The following APBB2 variants were observed in gnomAD, a reference collection of about 807,000 sequenced individuals.
APBB2 encodes amyloid beta precursor protein binding family B member 2.
A neutral mutation model predicts 82.5 loss-of-function variants in APBB2; 38 were observed. The observed-to-expected ratio is 0.46, with a 90% CI of 0.36 to 0.60. APBB2 has a LOEUF of 0.60. APBB2 is among the 20% of genes least tolerant of loss of function. The pLI, the probability that APBB2 is intolerant of heterozygous loss-of-function variation, is 0.00. For missense variants in APBB2, 772 were observed against 972.3 expected (o/e 0.79, Z 2.74); for synonymous variants, 341 against 368.2 (o/e 0.93, Z 0.85).
chr4:41,184,475 C>T (rs1260754367), intron 1 of APBB2, among the ~76,000 whole-genome samples: 1 of 152,196 alleles, frequency 6.6e-6, no homozygotes, highest in Non-Finnish European at 1.5e-5. Context: ...TGCTCTAGCT[C>T]TTCCCTGGGC....
At chr4:41,016,089 C>G (rs2154430862) in intron 5 of APBB2, among the ~76,000 whole-genome samples, 1 of 152,238 alleles carries the variant, frequency 6.6e-6, no homozygotes, top group Non-Finnish European at 1.5e-5. Context: ...ATATCCAGAG[C>G]ATAGATACAT....
intron 10 of APBB2, among the ~76,000 whole-genome samples, chr4:40,913,507 C>T (rs1185644585): frequency 6.6e-6 from 1 of 152,128 alleles, no homozygotes; most frequent in Admixed American, 6.5e-5. Flanking sequence ...ACACTCCATC[C>T]CCATCATGTG....
At chr4:41,118,870 T>TG (rs1751934314) in intron 2 of APBB2, among the ~76,000 whole-genome samples, 1 of 152,182 alleles carries the variant, frequency 6.6e-6, no homozygotes, top group South Asian at 2.1e-4. Context: ...CCGGGCGCGG[T>TG]GGCTCACGCC....
intron 12 of APBB2, among the ~76,000 whole-genome samples, chr4:40,835,074 G>A (rs1351647944): frequency 3.9e-5 from 6 of 152,062 alleles, no homozygotes; most frequent in African/African-American, 1.4e-4. Context: ...TCAGGAGATC[G>A]AGACCATCCT....
chr4:41,206,444 A>C (rs543436338), intron 1 of APBB2, among the ~76,000 whole-genome samples: 1 of 152,342 alleles, frequency 6.6e-6, no homozygotes, highest in Non-Finnish European at 1.5e-5. Flanking sequence ...GCATTTGCTG[A>C]ACAAAGGAAG....
chr4:41,022,018 A>T (rs995720761), intron 5 of APBB2, among the ~76,000 whole-genome samples: 17 of 152,140 alleles, frequency 1.1e-4, no homozygotes, highest in Admixed American at 6.5e-4. Flanking sequence ...CATCTAAAGG[A>T]ACAAACTCCA....
chr4:40,953,298 A>G (rs1218548723), intron 6 of APBB2, among the ~76,000 whole-genome samples: 8 of 147,924 alleles, frequency 5.4e-5, no homozygotes, highest in African/African-American at 2.0e-4. Context: ...CTCCATCTCA[A>G]AAAAAAAAAA....
At chr4:41,198,182 C>G in intron 1 of APBB2, among the ~76,000 whole-genome samples, 1 of 152,178 alleles carries the variant, frequency 6.6e-6, no homozygotes, top group Non-Finnish European at 1.5e-5. Context: ...ATACATGTCT[C>G]TGAGGTCCAC....
At chr4:41,175,971 A>G (rs1769661138) in intron 1 of APBB2, among the ~76,000 whole-genome samples, 1 of 152,190 alleles carries the variant, frequency 6.6e-6, no homozygotes, top group African/African-American at 2.4e-5. Flanking sequence ...GCCACTTATC[A>G]GGACTTGGCC....
intron 6 of APBB2, among the ~76,000 whole-genome samples, chr4:40,965,044 C>T (rs761881291): frequency 2.0e-5 from 3 of 151,538 alleles, no homozygotes; most frequent in East Asian, 1.9e-4. Context: ...TGCTTGAACT[C>T]GGGAGGTGGA....
rs79145864 is a variant in APBB2, at chr4:41,141,332, C to G, written c.-261+1655G>C. 8.6e-3 allele frequency among the ~76,000 whole-genome samples: 931 copies of G among 108,228 alleles called. 8 individuals carry two copies. Among genetic ancestry groups the G allele is most frequent in the African/African-American group, 0.022 (773 of 34,616 alleles). The allele number at this position is 108,228 out of a possible 152,430, so 71.0% of individuals were successfully genotyped here. ...TGTGTGTCTGTGTGTGTGTGTGTGT[C>G]TGTGTGTGTGTGTGTCTGTGTGTCT... On this transcript the variant is annotated intron_variant, in intron 2 of 17. Coordinates refer to ENST00000508593, the MANE Select transcript of APBB2 (RefSeq NM_004307.2).
intron 5 of APBB2, among the ~76,000 whole-genome samples, chr4:41,020,719 C>G (rs1191642153): frequency 1.3e-5 from 2 of 152,124 alleles, no homozygotes; most frequent in Non-Finnish European, 2.9e-5. Flanking sequence ...ATGTATTATC[C>G]TACTACCACA....
chr4:41,115,699 C>T (rs148241782), intron 2 of APBB2, among the ~76,000 whole-genome samples: 4,463 of 152,196 alleles, frequency 0.029, 153 homozygotes, highest in African/African-American at 0.078. Context: ...ATGCAGCCAA[C>T]AAACATATGA....
chr4:40,825,587 A>G (rs749292240), intron 15 of APBB2, among the ~76,000 whole-genome samples: 15 of 152,244 alleles, frequency 9.9e-5, no homozygotes, highest in Non-Finnish European at 1.6e-4. Context: ...GTTTCAGAGC[A>G]GCGGAGCTCT....
chr4:41,165,999 G>C (rs1339176099), intron 1 of APBB2, among the ~76,000 whole-genome samples: 2 of 149,720 alleles, frequency 1.3e-5, no homozygotes, highest in African/African-American at 2.5e-5. Context: ...TCAGCCTCCC[G>C]AGTAGCTGGG....
intron 12 of APBB2, among the ~76,000 whole-genome samples, chr4:40,866,845 G>A (rs568384217): frequency 2.6e-5 from 4 of 152,250 alleles, no homozygotes; most frequent in South Asian, 4.2e-4. Context: ...AGCCTCCTGA[G>A]TAGCTAGGAT....
In APBB2 at chr4:41,070,688, GTT is replaced by G. The variant is rs923429214; in HGVS notation, c.-148-5017_-148-5016del. 7.2e-4 allele frequency among the ~76,000 whole-genome samples: 109 copies of G among 151,962 alleles called. 5 individuals carry two copies. The highest frequency in any genetic ancestry group is 8.8e-5 in the Non-Finnish European group (6 of 67,988). On this transcript the variant is annotated intron_variant, in intron 3 of 17. Coordinates refer to ENST00000508593, the MANE Select transcript of APBB2 (RefSeq NM_004307.2). ...ATAAAGCTTCCAAAGGTGAGGAATA[GTT>G]TTTTTTATTAGTATGTACCACGTGA...
intron 3 of APBB2, among the ~76,000 whole-genome samples, chr4:41,094,542 AG>A (rs1742847479): frequency 6.6e-6 from 1 of 152,218 alleles, no homozygotes; most frequent in Admixed American, 6.5e-5. Flanking sequence ...AGAAGACAGA[AG>A]GAATCTTAGA....
chr4:40,821,769 T>C (rs983189365), intron 17 of APBB2, 102 bp downstream of exon 17: 113 of 1,344,134 alleles, frequency 8.4e-5, no homozygotes, highest in Non-Finnish European at 1.1e-4. Context: ...ACTTTAGGGA[T>C]TCGACTTTTT....
Sources: gnomAD v4.1 joint callset for allele counts (sites outside exome capture counted in the v4.1 genomes callset) on GRCh38, gnomAD v4.1.1 for gene constraint, MANE v1.5 for transcripts, NCBI Gene and HGNC (gene_info 2026-07-23, HGNC 2026-07-21) for gene names.